CCDC171: variants seen among roughly 807,000 people sequenced by gnomAD.
CCDC171 encodes the protein coiled-coil domain containing 171.
A neutral mutation model predicts 168.2 loss-of-function variants in CCDC171; 177 were observed. The ratio of observed to expected loss-of-function variants is 1.05; its 90% CI spans 0.93 to 1.19. The LOEUF (loss-of-function observed/expected upper bound fraction) is 1.19. Ranked by LOEUF, CCDC171 falls within the 50% of genes most tolerant of loss-of-function variation. The pLI is 0.00. For missense variants in CCDC171, 1,991 were observed against 1,539.0 expected, an observed-to-expected ratio of 1.29 and a Z score of -4.91; for synonymous variants, 687 against 540.8, an observed-to-expected ratio of 1.27 and a Z score of -3.75.
intron 6 of CCDC171, among the ~76,000 whole-genome samples, chr9:15,606,585 G>C (rs893452456): frequency 6.6e-6 from 1 of 152,192 alleles, no homozygotes; most frequent in Non-Finnish European, 1.5e-5. Context: ...TTATAAGCTA[G>C]AAAAGAGGAG....
intron 4 of CCDC171, among the ~76,000 whole-genome samples, chr9:15,580,726 A>G (rs1264291048): frequency 2.0e-5 from 3 of 152,226 alleles, no homozygotes; most frequent in Non-Finnish European, 4.4e-5. Context: ...AAAATAAAAA[A>G]ATAACAGATG....
chr9:15,959,765 C>G (rs147984035), intron 25 of CCDC171, among the ~76,000 whole-genome samples: 1 of 152,106 alleles, frequency 6.6e-6, no homozygotes, highest in African/African-American at 2.4e-5. Context: ...GTGGAGAGAA[C>G]GACCTAATGC....
chr9:15,930,499 A>C (rs904313046), intron 25 of CCDC171, among the ~76,000 whole-genome samples: 1 of 151,514 alleles, frequency 6.6e-6, no homozygotes, highest in Admixed American at 6.6e-5. Context: ...TGGCACCCCT[A>C]CCTCTGGGTG....
chr9:16,038,991 T>A (rs1379868301), upstream of CCDC171, among the ~76,000 whole-genome samples: 1 of 152,118 alleles, frequency 6.6e-6, no homozygotes, highest in East Asian at 1.9e-4. Flanking sequence ...AATATGATAG[T>A]CTCAAAACTT....
At chr9:15,645,050 G>C (rs2046926754) in intron 7 of CCDC171, among the ~76,000 whole-genome samples, 1 of 152,222 alleles carries the variant, frequency 6.6e-6, no homozygotes, top group Admixed American at 6.5e-5. Context: ...GAAGCTTCCA[G>C]AGGAACGATC....
the CCDC171 span, among the ~76,000 whole-genome samples, chr9:16,089,840 C>T: frequency 6.6e-6 from 1 of 152,068 alleles, no homozygotes; most frequent in Non-Finnish European, 1.5e-5. Context: ...CACCACTGGT[C>T]ACTAGAGAAA....
At chr9:15,939,645 C>T (rs1445036699) in intron 25 of CCDC171, among the ~76,000 whole-genome samples, 1 of 151,762 alleles carries the variant, frequency 6.6e-6, no homozygotes, top group Non-Finnish European at 1.5e-5. Context: ...GTGGGAGAAG[C>T]CTAGAGAACA....
rs191685727 is a variant in CCDC171 at position 15,854,826 on chromosome 9, T to C, written c.3468+5879T>C. ...CTATTTCAAAATATTTTCTAATTTC[T>C]ATGATTTCTTCATTGACTTGTTATT... On this transcript the variant is annotated intron_variant, in intron 23 of 25. Transcript: ENST00000380701. Among the ~76,000 whole-genome samples, 246 of 151,880 alleles carry C rather than the reference T, an allele frequency of 1.6e-3. 1 individual carries two copies. The highest frequency in any genetic ancestry group is 3.4e-3 in the Middle Eastern group (1 of 294).
chr9:15,990,097 A>G (rs200215337), intron 3 of CCDC171, among the ~76,000 whole-genome samples: 9 of 152,186 alleles, frequency 5.9e-5, no homozygotes, highest in East Asian at 3.9e-4. Flanking sequence ...GATACTCCTC[A>G]AGAAGAGCAA....
At chr9:15,857,494 C>T (rs961920427) in intron 23 of CCDC171, among the ~76,000 whole-genome samples, 2 of 152,050 alleles carry the variant, frequency 1.3e-5, no homozygotes, top group Middle Eastern at 3.4e-3. Flanking sequence ...GTGATCTCGG[C>T]TCACTGCAAC....
chr9:15,625,688 G>A (rs1037538972), intron 7 of CCDC171, among the ~76,000 whole-genome samples: 2 of 152,154 alleles, frequency 1.3e-5, no homozygotes, highest in Non-Finnish European at 2.9e-5. Flanking sequence ...CTCTGTTTTG[G>A]TAGCAGTACT....
intron 18 of CCDC171, among the ~76,000 whole-genome samples, chr9:15,757,721 T>G (rs991629643): frequency 1.3e-5 from 2 of 152,130 alleles, no homozygotes; most frequent in African/African-American, 4.8e-5. Flanking sequence ...CATTGTCCAG[T>G]CCCAGGGTCC....
intron 7 of CCDC171, among the ~76,000 whole-genome samples, chr9:15,638,762 T>TA (rs144383462): frequency 1.0e-4 from 15 of 150,588 alleles, no homozygotes; most frequent in Non-Finnish European, 1.3e-4. Flanking sequence ...TTTCTTAGAT[T>TA]AAAAAAAAAC....
intron 6 of CCDC171, among the ~76,000 whole-genome samples, chr9:15,613,870 T>C (rs180765428): frequency 2.6e-5 from 4 of 152,338 alleles, no homozygotes; most frequent in Non-Finnish European, 4.4e-5. Flanking sequence ...TACCTTTTTA[T>C]ATTGTTGATT....
intron 23 of CCDC171, among the ~76,000 whole-genome samples, chr9:15,872,144 A>G (rs2062066445): frequency 6.6e-6 from 1 of 152,012 alleles, no homozygotes; most frequent in East Asian, 1.9e-4. Flanking sequence ...TTTGTAATTA[A>G]ATGGAAGTAT....
chr9:16,088,547 A>G, the CCDC171 span, among the ~76,000 whole-genome samples: 5,247 of 152,296 alleles, frequency 0.034, 130 homozygotes, highest in African/African-American at 0.069. Flanking sequence ...TCAATGTGCA[A>G]AAATCACAAG....
At chr9:15,891,768 A>T (rs538553289) in intron 24 of CCDC171, among the ~76,000 whole-genome samples, 4 of 152,304 alleles carry the variant, frequency 2.6e-5, no homozygotes, top group African/African-American at 9.6e-5. Context: ...CCTGTGCTTA[A>T]TAGGTGACTG....
At chr9:15,679,657 C>G (rs2049902902) in intron 10 of CCDC171, among the ~76,000 whole-genome samples, 1 of 152,108 alleles carries the variant, frequency 6.6e-6, no homozygotes, top group Non-Finnish European at 1.5e-5. Flanking sequence ...TCAAGCAATC[C>G]TCTTGCCTCA....
intron 18 of CCDC171, among the ~76,000 whole-genome samples, chr9:15,755,690 GGT>G (rs1173308281): frequency 5.3e-5 from 8 of 152,132 alleles, no homozygotes; most frequent in African/African-American, 1.7e-4. Context: ...GAAAGAGGAT[GGT>G]GACAAAAGAT....
Sources: allele counts gnomAD v4.1 joint callset (sites outside exome capture counted in the v4.1 genomes callset), GRCh38; gene constraint gnomAD v4.1.1; transcripts MANE v1.5; gene names NCBI Gene and HGNC (gene_info 2026-07-23, HGNC 2026-07-21).